VTCN1: variants seen among roughly 807,000 people sequenced by gnomAD.
VTCN1 encodes the protein V-set domain containing T cell activation inhibitor 1, also known as V-set domain-containing T-cell activation inhibitor 1.
VTCN1 carries 26 observed loss-of-function variants against 26.5 expected under a neutral mutation model. The ratio of observed to expected loss-of-function variants is 0.98; its 90% CI spans 0.72 to 1.36. VTCN1 has a LOEUF of 1.36. VTCN1 is among the 40% of genes most tolerant of loss of function. VTCN1 has a pLI of 0.00. For synonymous variants in VTCN1, 116 were observed against 130.7 expected, an observed-to-expected ratio of 0.89 and a Z score of 0.77; for missense variants, 298 against 337.7, an observed-to-expected ratio of 0.88 and a Z score of 0.92.
intron 2 of VTCN1, among the ~76,000 whole-genome samples, chr1:117,162,341 C>T (rs11811989): frequency 0.027 from 4,037 of 152,308 alleles, 172 homozygotes; most frequent in African/African-American, 0.092. Flanking sequence ...TTACTTCTCA[C>T]AAGAAAAGAA....
At position 117,147,272 on chromosome 1, in the gene VTCN1, T is replaced by C. The variant is rs1651558182; in HGVS notation, c.*45+341A>G. On this transcript the variant is annotated intron_variant, in intron 5 of 5. Transcript: ENST00000369458. The surrounding 1 kb of genome is among the most constrained non-coding windows in gnomAD (Gnocchi z 4.6). ...TTTATGTGAATGATGATATGCTTTATAAATAACAGTGGAATCCAGGGTAAT... is the reference window on the plus strand; with the variant it reads ...TTTATGTGAATGATGATATGCTTTACAAATAACAGTGGAATCCAGGGTAAT... Among the ~76,000 whole-genome samples the C allele has an allele frequency of 6.6e-6, 1 of 152,208 alleles. No homozygotes were observed. The highest frequency in any genetic ancestry group is 6.5e-5 in the Admixed American group (1 of 15,270).
chr1:117,178,250 C>CTTTTTTTTTT (rs71096901), intron 1 of VTCN1, among the ~76,000 whole-genome samples: 1 of 142,208 alleles, frequency 7.0e-6, no homozygotes, highest in African/African-American at 2.6e-5. Context: ...TTCTTTCTTT[C>CTTTTTTTTTT]TTTTTTTTCT....
Position 117,153,300 on chromosome 1 carries a change from C to G in VTCN1, c.515G>C (p.Arg172Pro). The part of the protein sequence containing the change: ...SSETLRCEAP[R>P]WFPQPTVVWA... ...GACCACTGTGGGCTGGGGGAACCATCGGGGAGCCTCACACCGCAAGGTCTC... is the reference window on the plus strand; with the variant it reads ...GACCACTGTGGGCTGGGGGAACCATGGGGGAGCCTCACACCGCAAGGTCTC... Residue 172 changes from arginine (R) to proline (P), a missense_variant, in exon 4 of 6, where the codon CGA (arginine) becomes CCA (proline). Transcript: ENST00000369458. The G allele has an allele frequency of 6.2e-7, 1 of 1,614,032 alleles. No homozygotes were observed. Among genetic ancestry groups the G allele is most frequent in the Non-Finnish European group, 8.5e-7 (1 of 1,179,996 alleles).
chr1:117,184,981 A>C (rs1051171707), intron 1 of VTCN1, among the ~76,000 whole-genome samples: 1 of 152,178 alleles, frequency 6.6e-6, no homozygotes, highest in East Asian at 1.9e-4. Flanking sequence ...GCTTCTTGCT[A>C]ACCCAGAGGT....
At chr1:117,177,255 C>T (rs550893896) in intron 1 of VTCN1, among the ~76,000 whole-genome samples, 9 of 152,206 alleles carry the variant, frequency 5.9e-5, no homozygotes, top group African/African-American at 2.2e-4. Flanking sequence ...TAACCATTTC[C>T]TAGATATTGA....
rs1214995014 is a variant in VTCN1, at chr1:117,210,001, T to C, written c.32+823A>G. ...GAGGACTGGTCCTTCAAACAACCTC[T>C]AGAACCAACAAGTATCAGCCTCCCT... On this transcript the variant is annotated intron_variant, in intron 1 of 5. Coordinates refer to ENST00000369458, the MANE Select transcript of VTCN1 (RefSeq NM_024626.4). Among the ~76,000 whole-genome samples, 3 of 152,308 alleles carry C rather than the reference T, an allele frequency of 2.0e-5. No individual in the cohort carries two copies. In the East Asian group the frequency reaches 5.8e-4, roughly 29 times the overall value.
chr1:117,199,658 T>TG (rs1343342662), intron 1 of VTCN1, among the ~76,000 whole-genome samples: 6 of 143,440 alleles, frequency 4.2e-5, no homozygotes, highest in Non-Finnish European at 9.1e-5. Flanking sequence ...TTTTTTGAGA[T>TG]GGAGTCTTGC....
chr1:117,172,284 C>G, intron 1 of VTCN1: 1 of 505,522 alleles, frequency 2.0e-6, no homozygotes, highest in Non-Finnish European at 3.9e-6. Context: ...AACAACAGTT[C>G]CCCTGCCGGC....
chr1:117,177,921 C>CTTTT (rs79283862), intron 1 of VTCN1, among the ~76,000 whole-genome samples: 2 of 119,064 alleles, frequency 1.7e-5, no homozygotes, highest in East Asian at 2.4e-4. Context: ...GTTTTCTTTT[C>CTTTT]TTTTTTTTTT....
chr1:117,186,793 T>C (rs895772015), intron 1 of VTCN1, among the ~76,000 whole-genome samples: 7 of 152,154 alleles, frequency 4.6e-5, no homozygotes, highest in African/African-American at 1.7e-4. Context: ...CTTGAGAGGC[T>C]GGGGCGGGAG....
Position 117,145,516 on chromosome 1 carries a change from T to C in VTCN1, c.*46-291A>G, listed in dbSNP as rs1651461977. 6.6e-6 allele frequency among the ~76,000 whole-genome samples: 1 copy of C among 152,158 alleles called. No individual in the cohort carries two copies. The highest frequency in any genetic ancestry group is 2.4e-5 in the African/African-American group (1 of 41,444). ...AGAACTGAGAGGAGTCTGGGCAGGC[T>C]CCTGAATAGAGGTGGAAAGGTGGTT... is the stretch of plus-strand genomic sequence containing the variant. On this transcript the variant is annotated intron_variant, in intron 5 of 5. Coordinates refer to ENST00000369458, the MANE Select transcript of VTCN1 (RefSeq NM_024626.4). This position sits in a 1 kb window ranked among gnomAD's most constrained non-coding sequence, Gnocchi z 4.6.
At chr1:117,190,283 C>T (rs996445628) in intron 1 of VTCN1, among the ~76,000 whole-genome samples, 5 of 152,336 alleles carry the variant, frequency 3.3e-5, no homozygotes, top group African/African-American at 1.2e-4. Flanking sequence ...CTACCTTCAG[C>T]ATTTTTCAGG....
chr1:117,205,518 A>G (rs1649014652), intron 1 of VTCN1, among the ~76,000 whole-genome samples: 1 of 152,084 alleles, frequency 6.6e-6, no homozygotes, highest in Non-Finnish European at 1.5e-5. Flanking sequence ...TCATTCATCT[A>G]GAGCAGCTGC....
chr1:117,153,159 A>T lies in VTCN1; in HGVS notation c.656T>A (p.Ile219Asn). The change falls in exon 4 of 6, where the codon ATC (isoleucine) becomes AAC (asparagine). Residue 219 changes from isoleucine (I) to asparagine (N), a missense_variant. Transcript: ENST00000369458. ...AATCATACAGGAGTATGTGTTGTTGATCGTAACATTGTAGAGCACAGACAC... is the reference window on the plus strand; with the variant it reads ...AATCATACAGGAGTATGTGTTGTTGTTCGTAACATTGTAGAGCACAGACAC... The part of the protein sequence containing the change: ...KVVSVLYNVT[I>N]NNTYSCMIEN... 1 of 1,614,004 alleles carries T rather than the reference A, an allele frequency of 6.2e-7. No individual in the cohort carries two copies. Among genetic ancestry groups the T allele is most frequent in the Non-Finnish European group, 8.5e-7 (1 of 1,180,004 alleles).
In VTCN1 at chr1:117,156,893, G is replaced by A. The variant is rs758782829; in HGVS notation, c.126C>T (p.Val42=). 2.1e-5 allele frequency: 34 copies of A among 1,613,918 alleles called. No individual in the cohort carries two copies. The highest frequency in any genetic ancestry group is 2.0e-4 in the South Asian group (18 of 91,072). The change falls in exon 3 of 6, where the codon GTC becomes GTT. Residue 42 remains valine (V), a synonymous_variant. Coordinates refer to ENST00000369458, the MANE Select transcript of VTCN1 (RefSeq NM_024626.4). ...SGRHSITVTT[V]ASAGNIGEDG... is the part of the protein sequence containing the mutation. Reference sequence around the variant, plus strand: ...CCTCCCCAATGTTCCCAGCTGAGGCGACAGTAGTGACTGTGATGGAGTGTC... The same window carrying A: ...CCTCCCCAATGTTCCCAGCTGAGGCAACAGTAGTGACTGTGATGGAGTGTC...
chr1:117,174,146 C>T (rs1653075222), intron 1 of VTCN1, among the ~76,000 whole-genome samples: 1 of 152,156 alleles, frequency 6.6e-6, no homozygotes, highest in South Asian at 2.1e-4. Context: ...GCTTTCCCCT[C>T]AATGGTTTCC....
chr1:117,207,557 T>C (rs1649123579), intron 1 of VTCN1, among the ~76,000 whole-genome samples: 1 of 152,084 alleles, frequency 6.6e-6, no homozygotes, highest in Non-Finnish European at 1.5e-5. Context: ...CTATGACTAT[T>C]CCTTGCCCTT....
At chr1:117,151,521 G>A (rs1412712987) in intron 4 of VTCN1, among the ~76,000 whole-genome samples, 5 of 142,942 alleles carry the variant, frequency 3.5e-5, no homozygotes, top group African/African-American at 9.2e-5. Context: ...ATTTGGCCCC[G>A]CCCACTTCCT....
Position 117,156,694 on chromosome 1 carries a change from T to C in VTCN1, c.325A>G (p.Ile109Val). 1 of 1,614,170 alleles carries C rather than the reference T, an allele frequency of 6.2e-7. No individual in the cohort carries two copies. Among genetic ancestry groups the C allele is most frequent in the South Asian group, 1.1e-5 (1 of 91,082 alleles). Reference protein sequence around the residue: ...GRTAVFADQVIVGNASLRLKN... With the variant: ...GRTAVFADQVVVGNASLRLKN... Reference sequence around the variant, plus strand: ...AGCCGCAAAGAGGCATTGCCAACTATCACTTGATCAGCAAACACTGCTGTC... The same window carrying C: ...AGCCGCAAAGAGGCATTGCCAACTACCACTTGATCAGCAAACACTGCTGTC... The change falls in exon 3 of 6, where the codon ATA becomes GTA. Residue 109 changes from isoleucine to valine, a missense_variant. Transcript: ENST00000369458.
Sources: allele counts gnomAD v4.1 joint callset (sites outside exome capture counted in the v4.1 genomes callset), GRCh38; gene constraint gnomAD v4.1.1; non-coding constraint Gnocchi (gnomAD v3.1); transcripts MANE v1.5; gene names NCBI Gene and HGNC (gene_info 2026-07-23, HGNC 2026-07-21).